Variants in INSYN2B observed in about 807,000 individuals in gnomAD.
INSYN2B encodes the protein protein INSYN2B.
Under a neutral mutation model 41.2 loss-of-function variants are expected in INSYN2B, and 16 were observed. The ratio of observed to expected loss-of-function variants is 0.39; its 90% CI spans 0.26 to 0.59. The LOEUF is 0.59. INSYN2B is among the 20% of genes least tolerant of loss of function. The pLI is 0.57. For missense variants in INSYN2B, 608 were observed against 646.4 expected, an observed-to-expected ratio of 0.94 and a Z score of 0.64; for synonymous variants, 245 against 244.4, an observed-to-expected ratio of 1.00 and a Z score of -0.02.
intron 1 of INSYN2B, among the ~76,000 whole-genome samples, chr5:169,959,949 G>A (rs1777017969): frequency 6.6e-6 from 1 of 152,252 alleles, no homozygotes; most frequent in Non-Finnish European, 1.5e-5. Flanking sequence ...TTTGGTTTCT[G>A]TTGAGGTCCA....
intron 1 of INSYN2B, among the ~76,000 whole-genome samples, chr5:169,973,640 T>A (rs950811740): frequency 6.6e-6 from 1 of 152,186 alleles, no homozygotes; most frequent in Non-Finnish European, 1.5e-5. Context: ...AAAAGCTACA[T>A]CTATGAGAAA....
chr5:169,883,505 T>C lies in INSYN2B; in HGVS notation c.394A>G (p.Ile132Val), dbSNP rs1772790105. 1 of 1,551,648 alleles carries C rather than the reference T, an allele frequency of 6.4e-7. No individual in the cohort carries two copies. Among genetic ancestry groups the C allele is most frequent in the South Asian group, 1.2e-5 (1 of 84,064 alleles). The change falls in exon 2 of 4, where the codon ATC becomes GTC. Residue 132 changes from isoleucine to valine, a missense_variant. Ile to Val is a conservative substitution (Grantham distance 29). Transcript: ENST00000377365. The stretch of plus-strand genomic sequence containing the variant: ...TCAGAGAGGTTACCGTTGACCTGGA[T>C]GGCACTTTGGGAGGCTGTTGGCATT... ...VEMPTASQSAIQVNGNLSEQD... is the reference protein window; with the variant it reads ...VEMPTASQSAVQVNGNLSEQD...
rs370782268 is a variant in INSYN2B at position 169,928,625 on chromosome 5, A to G, written c.-918-43809T>C. 3.3e-4 allele frequency among the ~76,000 whole-genome samples: 50 copies of G among 152,330 alleles called. 1 individual carries two copies. The highest frequency in any genetic ancestry group is 2.1e-3 in the South Asian group (10 of 4,828). On this transcript the variant is annotated intron_variant, in intron 1 of 3. Coordinates refer to ENST00000377365, the MANE Select transcript of INSYN2B (RefSeq NM_001129891.3). ...AAGGACAGTGTCATGGAGGCCTAGC[A>G]GGAGACAAACTTTTAAAAGAGGCAG...
At chr5:169,978,407 G>A (rs1242705487) in intron 1 of INSYN2B, among the ~76,000 whole-genome samples, 4 of 121,618 alleles carry the variant, frequency 3.3e-5, no homozygotes, top group Non-Finnish European at 6.7e-5. Flanking sequence ...GGGGGGGGGT[G>A]TAGGTGTGTT....
rs137954328 is a variant in INSYN2B at position 169,977,292 on chromosome 5, T to C, written c.-919+2985A>G. Among the ~76,000 whole-genome samples the C allele has an allele frequency of 5.3e-4, 81 of 152,292 alleles. 1 individual carries two copies. Among genetic ancestry groups the C allele is most frequent in the South Asian group, 4.1e-3 (20 of 4,822 alleles). ...CTTAGCTGTTCATCCCAAGCTGTGA[T>C]TGGGAGTGCTTGATGTGTCCATAGA... is the stretch of plus-strand genomic sequence containing the variant. On this transcript the variant is annotated intron_variant, in intron 1 of 3. Coordinates refer to ENST00000377365, the MANE Select transcript of INSYN2B (RefSeq NM_001129891.3).
chr5:169,927,951 G>T (rs1272506083), intron 1 of INSYN2B, among the ~76,000 whole-genome samples: 1 of 152,170 alleles, frequency 6.6e-6, no homozygotes, highest in Non-Finnish European at 1.5e-5. Flanking sequence ...ATGATGAGAT[G>T]GTATAACCAG....
intron 1 of INSYN2B, among the ~76,000 whole-genome samples, chr5:169,936,030 G>A (rs1238848655): frequency 6.6e-6 from 1 of 152,080 alleles, no homozygotes; most frequent in Non-Finnish European, 1.5e-5. Context: ...TGGCGGTGGG[G>A]GGAACAACTG....
intron 1 of INSYN2B, among the ~76,000 whole-genome samples, chr5:169,932,662 T>TA (rs1775809972): frequency 6.6e-6 from 1 of 152,174 alleles, no homozygotes; most frequent in Non-Finnish European, 1.5e-5. Context: ...TAAACACATG[T>TA]AAGGAGAAAA....
At chr5:169,913,754 T>A (rs1411182173) in intron 1 of INSYN2B, among the ~76,000 whole-genome samples, 1 of 152,158 alleles carries the variant, frequency 6.6e-6, no homozygotes, top group African/African-American at 2.4e-5. Flanking sequence ...TACAAAGTGA[T>A]CTAATTGGTC....
intron 1 of INSYN2B, among the ~76,000 whole-genome samples, chr5:169,947,856 A>T (rs894178056): frequency 2.9e-4 from 44 of 152,284 alleles, no homozygotes; most frequent in African/African-American, 1.0e-3. Context: ...TACAGCATAC[A>T]TGGTGCCTGC....
At chr5:169,909,289 T>C (rs1430604596) in intron 1 of INSYN2B, among the ~76,000 whole-genome samples, 2 of 152,224 alleles carry the variant, frequency 1.3e-5, no homozygotes, top group African/African-American at 4.8e-5. Context: ...AATAGCCCAG[T>C]GTTGCTGGTG....
At chr5:169,866,728 A>G (rs979364225) in intron 3 of INSYN2B, among the ~76,000 whole-genome samples, 7 of 152,228 alleles carry the variant, frequency 4.6e-5, no homozygotes, top group Admixed American at 3.3e-4. Context: ...GCAGACTCAC[A>G]TACTGACTGT....
chr5:169,883,233 G>C lies in INSYN2B; in HGVS notation c.666C>G (p.Ser222Arg). 6.4e-7 allele frequency: 1 copy of C among 1,551,510 alleles called. No individual in the cohort carries two copies. Among genetic ancestry groups the C allele is most frequent in the Middle Eastern group, 1.7e-4 (1 of 5,986 alleles). ...PSWEARESAL[S>R]PDRSAEVSNS... ...TACTTACTTCAGCTGACCTGTCTGG[G>C]CTGAGAGCAGACTCTCTAGCTTCCC... The change falls in exon 2 of 4, where the codon AGC becomes AGG. Residue 222 changes from serine to arginine, a missense_variant. Ser to Arg is a moderately radical substitution (Grantham distance 110). Transcript: ENST00000377365.
intron 1 of INSYN2B, among the ~76,000 whole-genome samples, chr5:169,962,497 T>C (rs1012671569): frequency 1.3e-5 from 2 of 152,152 alleles, no homozygotes; most frequent in Non-Finnish European, 2.9e-5. Flanking sequence ...ACTGAGCATC[T>C]TGAGTTTGAG....
At chr5:169,903,745 G>A (rs903620161) in intron 1 of INSYN2B, among the ~76,000 whole-genome samples, 18 of 151,846 alleles carry the variant, frequency 1.2e-4, no homozygotes, top group Middle Eastern at 3.4e-3. Context: ...GTGAGAGCTC[G>A]GTCACTGTAG....
chr5:169,900,293 G>T (rs1255255094), intron 1 of INSYN2B, among the ~76,000 whole-genome samples: 3 of 152,162 alleles, frequency 2.0e-5, no homozygotes, highest in Non-Finnish European at 4.4e-5. Context: ...CTGATGGAGG[G>T]GACATCTGAG....
rs981248621 is a variant in INSYN2B, at chr5:169,882,964, G to A, written c.935C>T (p.Pro312Leu). The A allele has an allele frequency of 4.5e-6, 7 of 1,551,588 alleles. No homozygotes were observed. Among genetic ancestry groups the A allele is most frequent in the African/African-American group, 2.7e-5 (2 of 73,006 alleles). ...VPSSPRTHSS[P>L]SQGSHSQPAH... ...TGGCTGGCTGTGGGAGCCTTGTGAG[G>A]GGGAACTGTGAGTCCGTGGAGATGA... is the stretch of plus-strand genomic sequence containing the variant. The change falls in exon 2 of 4, where the codon CCC becomes CTC. Residue 312 changes from proline to leucine, a missense_variant. Coordinates refer to ENST00000377365, the MANE Select transcript of INSYN2B (RefSeq NM_001129891.3).
In INSYN2B at chr5:169,939,125, T is replaced by C. The variant is rs185428274; in HGVS notation, c.-919+41152A>G. Among the ~76,000 whole-genome samples, 54 of 152,062 alleles carry C rather than the reference T, an allele frequency of 3.6e-4. No individual in the cohort carries two copies. The South Asian group carries it at 8.5e-3, about 24-fold the overall frequency. ...TTCACCGCATTAGCCAGGATGGTCT[T>C]GATCTCCTGACCTCGTGATCCGCCC... On this transcript the variant is annotated intron_variant, in intron 1 of 3. Coordinates refer to ENST00000377365, the MANE Select transcript of INSYN2B (RefSeq NM_001129891.3).
In INSYN2B at chr5:169,915,557, A is replaced by AACACACACACACACAC. The variant is rs56728646; in HGVS notation, c.-918-30757_-918-30742dup. On this transcript the variant is annotated intron_variant, in intron 1 of 3. Coordinates refer to ENST00000377365, the MANE Select transcript of INSYN2B (RefSeq NM_001129891.3). ...GAAAATATTTGAGGAATTGACAGGG[A>AACACACACACACACAC]ACACACACACACACACACACACACA... Among the ~76,000 whole-genome samples, 6 of 143,488 alleles carry AACACACACACACACAC rather than the reference A, an allele frequency of 4.2e-5. 1 individual carries two copies. The Admixed American group carries it at 4.2e-4, about 10-fold the overall frequency. The allele number at this position is 143,488 out of a possible 152,430, so 94.1% of individuals were successfully genotyped here.
Sources: gnomAD v4.1 joint callset for allele counts (sites outside exome capture counted in the v4.1 genomes callset) on GRCh38, gnomAD v4.1.1 for gene constraint, MANE v1.5 for transcripts, NCBI Gene and HGNC (gene_info 2026-07-23, HGNC 2026-07-21) for gene names.